The following CRB1 variants were observed in gnomAD, a reference collection of about 807,000 sequenced individuals.
CRB1 encodes crumbs cell polarity complex component 1.
Under a neutral mutation model 120.0 loss-of-function variants are expected in CRB1, and 83 were observed. The observed-to-expected ratio is 0.69, with a 90% CI of 0.58 to 0.83. The LOEUF (loss-of-function observed/expected upper bound fraction) is 0.83, where lower values mean the gene tolerates loss of function less well. CRB1 is among the 40% of genes least tolerant of loss of function. The pLI is 0.00. For synonymous variants in CRB1, 625 were observed against 612.5 expected, an observed-to-expected ratio of 1.02 and a Z score of -0.30; for missense variants, 1,699 against 1,687.6, an observed-to-expected ratio of 1.01 and a Z score of -0.12.
chr1:197,454,801 C>T (rs188995028), intron 11 of CRB1, among the ~76,000 whole-genome samples: 1 of 152,106 alleles, frequency 6.6e-6, no homozygotes, highest in African/African-American at 2.4e-5. Flanking sequence ...CTTACGGAAA[C>T]CGGTTTTTAA....
At chr1:197,442,576 T>C (rs957792783) in intron 11 of CRB1, 11 of 1,395,276 alleles carry the variant, frequency 7.9e-6, no homozygotes, top group Non-Finnish European at 9.4e-6. Flanking sequence ...AAGCACTTTG[T>C]CTGTGTATAA....
chr1:197,477,824 C>A lies in CRB1; in HGVS notation c.4166C>A (p.Ser1389Tyr), dbSNP rs775906215. 5.0e-6 allele frequency: 8 copies of A among 1,613,716 alleles called. No individual in the cohort carries two copies. The highest frequency in any genetic ancestry group is 8.5e-7 in the Non-Finnish European group (1 of 1,179,860). Residue 1389 changes from serine (S) to tyrosine (Y), a missense_variant, in exon 12 of 12, where the codon TCC (serine) becomes TAC (tyrosine). Physicochemically the swap from Ser to Tyr is moderately radical, Grantham distance 144. Transcript: ENST00000367400. Reference sequence around the variant, plus strand: ...CCCAGCCGTCAGGAGAAGGAGGGCTCCCGAGTGGAAATGTGGAACTTGATG... The same window carrying A: ...CCCAGCCGTCAGGAGAAGGAGGGCTACCGAGTGGAAATGTGGAACTTGATG... ...YSPSRQEKEG[S>Y]RVEMWNLMPP...
intron 5 of CRB1, chr1:197,413,978 C>T: frequency 2.2e-6 from 1 of 456,838 alleles, no homozygotes; most frequent in South Asian, 1.6e-5. Context: ...ATGGTTTTCA[C>T]ATTTTAATGG....
chr1:197,292,935 A>T (rs1237530655), intron 1 of CRB1, among the ~76,000 whole-genome samples: 1 of 152,194 alleles, frequency 6.6e-6, no homozygotes, highest in African/African-American at 2.4e-5. Flanking sequence ...TCTGTTTATG[A>T]CAAACCCACA....
rs141834896 is a variant in CRB1, at chr1:197,356,822, A to G, written c.989-9A>G. On this transcript the variant is annotated splice_polypyrimidine_tract_variant and intron_variant, in intron 4 of 11. Transcript: ENST00000367400. ...GACTTAGCAGCTTCTCTGAATTTTC[A>G]TCATGCAGGATACACAGGTGCCCAG... 4.3e-6 allele frequency: 7 copies of G among 1,614,148 alleles called. No individual in the cohort carries two copies. In the East Asian group the frequency reaches 6.7e-5, roughly 15 times the overall value.
At chr1:197,304,254 A>T (rs1215176213) in intron 1 of CRB1, 2 of 229,226 alleles carry the variant, frequency 8.7e-6, no homozygotes, top group Non-Finnish European at 1.4e-5. Context: ...TAATAAGATT[A>T]TTGTCTAATT....
At chr1:197,202,611 A>G in the CRB1 span, among the ~76,000 whole-genome samples, 2 of 152,220 alleles carry the variant, frequency 1.3e-5, no homozygotes, top group Non-Finnish European at 2.9e-5. Flanking sequence ...TGTTTTTATT[A>G]AAACAGAAGG....
At position 197,347,356 on chromosome 1, in the gene CRB1, A is replaced by T. The variant is rs1404713926; in HGVS notation, c.865A>T (p.Thr289Ser). 1 of 1,613,962 alleles carries T rather than the reference A, an allele frequency of 6.2e-7. No individual in the cohort carries two copies. Among genetic ancestry groups the T allele is most frequent in the East Asian group, 2.2e-5 (1 of 44,864 alleles). ...DGENRYSCNC[T>S]GSGFTGTHCE... ...ACTTTCCAGATATAGCTGTAACTGC[A>T]CGGGTAGTGGATTCACAGGGACACA... The change falls in exon 4 of 12, where the codon ACG becomes TCG. Residue 289 changes from threonine (T) to serine (S), a missense_variant. Physicochemically the swap from Thr to Ser is moderately conservative, Grantham distance 58. Transcript: ENST00000367400.
chr1:197,208,744 G>A, the CRB1 span, among the ~76,000 whole-genome samples: 1 of 152,182 alleles, frequency 6.6e-6, no homozygotes, highest in African/African-American at 2.4e-5. Context: ...GTGTGGGAAG[G>A]ATACAAACTT....
At chr1:197,269,801 C>A (rs1654806483) in intron 1 of CRB1, among the ~76,000 whole-genome samples, 2 of 152,076 alleles carry the variant, frequency 1.3e-5, no homozygotes, top group Admixed American at 1.3e-4. Context: ...TGTATGATAT[C>A]TTTAATTAAA....
chr1:197,220,747 T>C, the CRB1 span, among the ~76,000 whole-genome samples: 1 of 152,048 alleles, frequency 6.6e-6, no homozygotes. Flanking sequence ...GGGGGTGAAT[T>C]TCCCCCTTGC....
intron 11 of CRB1, chr1:197,444,558 G>A (rs768572567): frequency 7.2e-5 from 11 of 152,076 alleles, no homozygotes; most frequent in Admixed American, 1.3e-4. Context: ...GTACTTACAG[G>A]CTGTTCCAAA....
At chr1:197,438,746 T>C (rs1665286476) in intron 10 of CRB1, 71 bp downstream of exon 10, 1 of 1,579,162 alleles carries the variant, frequency 6.3e-7, no homozygotes, top group South Asian at 1.1e-5. Flanking sequence ...AAAGTTCATT[T>C]TCTCCTCTAA....
chr1:197,395,752 G>C (rs531898521), intron 5 of CRB1, among the ~76,000 whole-genome samples: 4 of 152,040 alleles, frequency 2.6e-5, no homozygotes, highest in Middle Eastern at 3.2e-3. Context: ...AAATCTATGT[G>C]ATCATCTCCA....
At chr1:197,249,801 T>G in the CRB1 span, among the ~76,000 whole-genome samples, 83 of 152,134 alleles carry the variant, frequency 5.5e-4, no homozygotes, top group East Asian at 8.6e-3. Context: ...AAGATAATAC[T>G]CTGACATTTT....
chr1:197,462,864 A>C (rs1666590288), intron 11 of CRB1, among the ~76,000 whole-genome samples: 1 of 149,330 alleles, frequency 6.7e-6, no homozygotes, highest in South Asian at 2.2e-4. Flanking sequence ...TGCTGAGCTC[A>C]GGCAGCCTAT....
In CRB1 at chr1:197,421,190, A is replaced by G. The variant is rs2125469375; in HGVS notation, c.1362A>G (p.Gly454=). 3 of 1,614,184 alleles carry G rather than the reference A, an allele frequency of 1.9e-6. No individual in the cohort carries two copies. The highest frequency in any genetic ancestry group is 2.5e-6 in the Non-Finnish European group (3 of 1,180,034). Residue 454 remains glycine, a synonymous_variant, in exon 6 of 12, where the codon GGA becomes GGG. Coordinates refer to ENST00000367400, the MANE Select transcript of CRB1 (RefSeq NM_201253.3). ...CCCATCAGCAATGTCTAAATAATGGAACATGCATCCCTCACTTCCAAGATG... is the reference window on the plus strand; with the variant it reads ...CCCATCAGCAATGTCTAAATAATGGGACATGCATCCCTCACTTCCAAGATG... ...GCTHQQCLNN[G]TCIPHFQDGQ... is the part of the protein sequence containing the mutation.
chr1:197,387,111 C>CT (rs1662255757), intron 5 of CRB1, among the ~76,000 whole-genome samples: 1 of 151,964 alleles, frequency 6.6e-6, no homozygotes, highest in Non-Finnish European at 1.5e-5. Context: ...CCAACATAAT[C>CT]TTTTTCTTTT....
At chr1:197,427,134 G>A (rs1356346569) in intron 6 of CRB1, among the ~76,000 whole-genome samples, 3 of 152,108 alleles carry the variant, frequency 2.0e-5, no homozygotes, top group African/African-American at 7.2e-5. Context: ...CCATATTTTA[G>A]GGCAGCAAAG....
Sources: gnomAD v4.1 joint callset for allele counts (sites outside exome capture counted in the v4.1 genomes callset) on GRCh38, gnomAD v4.1.1 for gene constraint, MANE v1.5 for transcripts, NCBI Gene and HGNC (gene_info 2026-07-23, HGNC 2026-07-21) for gene names.